Variants in SEC14L2 observed in about 807,000 individuals in gnomAD.
The protein encoded by SEC14L2 is SEC14-like protein 2.
SEC14L2 carries 50 observed loss-of-function variants against 56.9 expected under a neutral mutation model. The ratio of observed to expected loss-of-function variants is 0.88; its 90% CI spans 0.70 to 1.11. The LOEUF (loss-of-function observed/expected upper bound fraction) is 1.11, where lower values mean the gene tolerates loss of function less well. Among genes scored for constraint, SEC14L2 ranks in the 50% most tolerant of loss-of-function variants. The pLI is 0.00. For synonymous variants in SEC14L2, 179 were observed against 188.5 expected, an observed-to-expected ratio of 0.95 and a Z score of 0.41; for missense variants, 414 against 500.7, an observed-to-expected ratio of 0.83 and a Z score of 1.65.
chr22:30,404,617 T>C lies in SEC14L2; in HGVS notation c.131-1725T>C, dbSNP rs1297248783. 2.0e-5 allele frequency among the ~76,000 whole-genome samples: 3 copies of C among 152,298 alleles called. 1 individual carries two copies. Among genetic ancestry groups the C allele is most frequent in the Admixed American group, 2.0e-4 (3 of 15,286 alleles). On this transcript the variant is annotated intron_variant, in intron 2 of 11. Coordinates refer to ENST00000615189, the MANE Select transcript of SEC14L2 (RefSeq NM_012429.5). ...TCTCAAAACTCTTTGAAGGATGGACTGAAGTTGACTGTAACAAGAGGAAAT... is the reference window on the plus strand; with the variant it reads ...TCTCAAAACTCTTTGAAGGATGGACCGAAGTTGACTGTAACAAGAGGAAAT...
At chr22:30,409,346 T>C (rs1466932981) in intron 6 of SEC14L2, 64 bp downstream of exon 6, 6 of 1,602,606 alleles carry the variant, frequency 3.7e-6, no homozygotes, top group Non-Finnish European at 4.3e-6. Flanking sequence ...ACCCCTCTCC[T>C]AGGCTGTCCT....
At chr22:30,411,885 C>T (rs910306577) in intron 8 of SEC14L2, among the ~76,000 whole-genome samples, 2 of 152,054 alleles carry the variant, frequency 1.3e-5, no homozygotes, top group Non-Finnish European at 2.9e-5. Context: ...GCGGGAGCAC[C>T]CACTCCACCT....
intron 1 of SEC14L2, among the ~76,000 whole-genome samples, chr22:30,399,141 C>A (rs886253694): frequency 2.0e-5 from 3 of 152,100 alleles, no homozygotes; most frequent in African/African-American, 7.2e-5. Flanking sequence ...TCCTGCCCTG[C>A]AACCTGGCAC....
rs1034048861 is a variant in SEC14L2, at chr22:30,422,921, C to CT, written c.*518dup. On this transcript the variant is annotated 3_prime_UTR_variant, in exon 12 of 12. Coordinates refer to ENST00000615189, the MANE Select transcript of SEC14L2 (RefSeq NM_012429.5). Reference sequence around the variant, plus strand: ...GCACTGAGGCTGGGGTAGCTTTTGGCTTTTCCCAGGTCTCAGGAGGTGGCC... The same window carrying CT: ...GCACTGAGGCTGGGGTAGCTTTTGGCTTTTTCCCAGGTCTCAGGAGGTGGCC... The CT allele has an allele frequency of 6.5e-6, 1 of 153,262 alleles. No homozygotes were observed. Among genetic ancestry groups the CT allele is most frequent in the African/African-American group, 2.4e-5 (1 of 41,438 alleles). 9.5% of individuals were successfully genotyped at this position (153,262 alleles called of 1,614,324 possible).
chr22:30,401,802 T>C (rs368225231), intron 2 of SEC14L2, among the ~76,000 whole-genome samples: 1 of 151,656 alleles, frequency 6.6e-6, no homozygotes, highest in African/African-American at 2.4e-5. Flanking sequence ...AACAGGGTCT[T>C]GCTGGCCTCA....
chr22:30,410,755 CG>C, intron 8 of SEC14L2, 76 bp downstream of exon 8: 1 of 1,384,182 alleles, frequency 7.2e-7, no homozygotes, highest in Non-Finnish European at 1.0e-6. Flanking sequence ...GGGGTGTGGC[CG>C]TAGCCACCAG....
intron 5 of SEC14L2, among the ~76,000 whole-genome samples, chr22:30,408,306 ATAAGGATGGCTGGGTG>A (rs954373856): frequency 6.6e-6 from 1 of 152,100 alleles, no homozygotes; most frequent in African/African-American, 2.4e-5. Context: ...TTTAAAAAAG[ATAAGGATGGCTGGGTG>A]TGGTGGCTCA....
chr22:30,416,897 A>G, intron 11 of SEC14L2: 1 of 993,134 alleles, frequency 1.0e-6, no homozygotes, highest in Non-Finnish European at 1.2e-6. Flanking sequence ...AGAATATAAG[A>G]ATGGGAAACA....
chr22:30,417,475 T>G (rs1425428218), intron 11 of SEC14L2, among the ~76,000 whole-genome samples: 1 of 152,220 alleles, frequency 6.6e-6, no homozygotes, highest in African/African-American at 2.4e-5. Flanking sequence ...GGCTTTATCA[T>G]CAGAGCTGAG....
At chr22:30,401,145 T>C (rs960827221) in intron 2 of SEC14L2, among the ~76,000 whole-genome samples, 1 of 151,702 alleles carries the variant, frequency 6.6e-6, no homozygotes, top group Non-Finnish European at 1.5e-5. Context: ...GCAATGGGCA[T>C]GATCGTAGGT....
rs1184171592 is a variant in SEC14L2, at chr22:30,410,612, T to C, written c.597T>C (p.Pro199=). The C allele has an allele frequency of 6.2e-7, 1 of 1,614,078 alleles. No individual in the cohort carries two copies. Among genetic ancestry groups the C allele is most frequent in the Non-Finnish European group, 8.5e-7 (1 of 1,180,014 alleles). Residue 199 remains proline, a synonymous_variant, in exon 8 of 12, where the codon CCT becomes CCC. Coordinates refer to ENST00000615189, the MANE Select transcript of SEC14L2 (RefSeq NM_012429.5). ...LFVVKAPKLF[P]VAYNLIKPFL... ...CTGTTCCAGCCCCCAAACTGTTTCC[T>C]GTGGCCTATAACCTCATCAAACCCT...
chr22:30,401,064 A>G (rs1311161321), intron 2 of SEC14L2, among the ~76,000 whole-genome samples: 1 of 150,352 alleles, frequency 6.7e-6, no homozygotes, highest in Non-Finnish European at 1.5e-5. Flanking sequence ...AAAATATTAA[A>G]GTACAAATTA....
chr22:30,406,262 T>A (rs1019988273), intron 2 of SEC14L2, 80 bp from the exon 3 acceptor site: 206 of 1,405,766 alleles, frequency 1.5e-4, no homozygotes, highest in Non-Finnish European at 1.9e-4. Flanking sequence ...GGCCCTATCA[T>A]GGGAATATGG....
chr22:30,420,134 G>T (rs562495387), intron 11 of SEC14L2, among the ~76,000 whole-genome samples: 1 of 152,052 alleles, frequency 6.6e-6, no homozygotes, highest in East Asian at 1.9e-4. Flanking sequence ...TGTATTTTTA[G>T]TAGAGATGGG....
In SEC14L2 at chr22:30,425,068, A is replaced by T; in HGVS notation, c.*2661A>T. The T allele has an allele frequency of 1.4e-5, 4 of 275,922 alleles. No individual in the cohort carries two copies. Among genetic ancestry groups the T allele is most frequent in the Non-Finnish European group, 2.2e-5 (3 of 136,732 alleles). The allele number at this position is 275,922 out of a possible 1,614,324, so 17.1% of individuals were successfully genotyped here. A position where few individuals can be genotyped will look rare whatever the true frequency, so the allele number is the denominator to read the frequency against. ...CGTTCACTCCTCTAGCCTCATTTAG[A>T]GCTCGCATTAAGAGCACGGGATCTG... On this transcript the variant is annotated 3_prime_UTR_variant, in exon 12 of 12. Coordinates refer to ENST00000615189, the MANE Select transcript of SEC14L2 (RefSeq NM_012429.5).
At chr22:30,399,375 C>T (rs957116317) in intron 1 of SEC14L2, among the ~76,000 whole-genome samples, 1 of 151,820 alleles carries the variant, frequency 6.6e-6, no homozygotes, top group Non-Finnish European at 1.5e-5. Context: ...AATAGCCAGG[C>T]GTGTTGGCAG....
intron 8 of SEC14L2, among the ~76,000 whole-genome samples, chr22:30,413,721 G>A (rs992990707): frequency 4.6e-5 from 7 of 152,044 alleles, no homozygotes; most frequent in Admixed American, 3.3e-4. Flanking sequence ...AGTGAGACCC[G>A]GGGAGTGAAG....
chr22:30,418,758 C>T (rs139344473), intron 11 of SEC14L2, among the ~76,000 whole-genome samples: 2 of 152,280 alleles, frequency 1.3e-5, no homozygotes, highest in East Asian at 3.9e-4. Flanking sequence ...GATGTGAGCC[C>T]AGAGAGAACC....
intron 2 of SEC14L2, among the ~76,000 whole-genome samples, chr22:30,402,926 A>G (rs966896752): frequency 6.6e-6 from 1 of 152,030 alleles, no homozygotes; most frequent in Non-Finnish European, 1.5e-5. Context: ...TTAAAAAAAA[A>G]AAAATTAGCT....
Sources: allele counts gnomAD v4.1 joint callset (sites outside exome capture counted in the v4.1 genomes callset), GRCh38; gene constraint gnomAD v4.1.1; transcripts MANE v1.5; gene names NCBI Gene and HGNC (gene_info 2026-07-23, HGNC 2026-07-21).